Variants in TM4SF18 observed in about 807,000 individuals in gnomAD.
TM4SF18 encodes transmembrane 4 L6 family member 18.
A neutral mutation model predicts 23.8 loss-of-function variants in TM4SF18; 22 were observed. The ratio of observed to expected loss-of-function variants is 0.92; its 90% CI spans 0.66 to 1.32. TM4SF18 has a LOEUF of 1.32. Ranked by LOEUF, TM4SF18 falls within the 40% of genes most tolerant of loss-of-function variation. The pLI, the probability that TM4SF18 is intolerant of heterozygous loss-of-function variation, is 0.00. For synonymous variants in TM4SF18, 87 were observed against 87.9 expected (o/e 0.99, Z 0.06); for missense variants, 255 against 240.3 (o/e 1.06, Z -0.41).
chr3:149,324,690 A>G, intron 4 of TM4SF18, 190 bp downstream of exon 4: 1 of 672,230 alleles, frequency 1.5e-6, no homozygotes, highest in Non-Finnish European at 2.5e-6. Flanking sequence ...AAAAGACTGA[A>G]GAAAAAAATC....
intron 2 of TM4SF18, among the ~76,000 whole-genome samples, chr3:149,332,660 A>G (rs1241530907): frequency 2.0e-5 from 3 of 152,174 alleles, no homozygotes; most frequent in Non-Finnish European, 2.9e-5. Flanking sequence ...TATATATTTT[A>G]TCTTTAAAAG....
chr3:149,322,760 A>G (rs148532830), intron 4 of TM4SF18, among the ~76,000 whole-genome samples: 2 of 152,062 alleles, frequency 1.3e-5, no homozygotes, highest in African/African-American at 4.8e-5. Flanking sequence ...CTAATGCTCC[A>G]GGAAATAGAG....
intron 5 of TM4SF18, 43 bp from the exon 6 acceptor site, chr3:149,321,535 T>C: frequency 7.0e-7 from 1 of 1,433,342 alleles, no homozygotes; most frequent in Non-Finnish European, 9.7e-7. Flanking sequence ...AGTTATAAAC[T>C]TGGCTTGATT....
At chr3:149,329,632 CGAT>C (rs1731046374) in intron 3 of TM4SF18, among the ~76,000 whole-genome samples, 1 of 152,048 alleles carries the variant, frequency 6.6e-6, no homozygotes, top group African/African-American at 2.4e-5. Flanking sequence ...TGTGAATAAA[CGAT>C]GAAGAGGAGG....
At chr3:149,333,452 C>A in intron 1 of TM4SF18, 53 bp from the exon 2 acceptor site, 3 of 1,137,754 alleles carry the variant, frequency 2.6e-6, no homozygotes, top group Non-Finnish European at 3.5e-6. Context: ...TTTCTTCTTC[C>A]TACCTGACCT....
At chr3:149,333,420 A>G in intron 1 of TM4SF18, 21 bp from the exon 2 acceptor site, 5 of 1,504,180 alleles carry the variant, frequency 3.3e-6, no homozygotes, top group Non-Finnish European at 4.5e-6. Context: ...TTTCAAGAGT[A>G]TACAGTCACA....
chr3:149,322,386 A>G lies in TM4SF18; in HGVS notation c.461T>C (p.Val154Ala), dbSNP rs1396262252. The G allele has an allele frequency of 2.7e-5, 44 of 1,614,008 alleles. No homozygotes were observed. The highest frequency in any genetic ancestry group is 3.4e-5 in the Non-Finnish European group (40 of 1,180,008). Residue 154 changes from valine to alanine, a missense_variant, in exon 5 of 6, where the codon GTT (valine) becomes GCT (alanine). By Grantham distance (64) the Val-to-Ala change is moderately conservative. Coordinates refer to ENST00000296059, the MANE Select transcript of TM4SF18 (RefSeq NM_138786.4). Reference protein sequence around the residue: ...IWIQCLEPAHVVEWNIILFSI... With the variant: ...IWIQCLEPAHAVEWNIILFSI... ...AAATAAAATGATGTTCCACTCCACAACATGTGCAGGTTCCAGGCACTGAAT... is the reference window on the plus strand; with the variant it reads ...AAATAAAATGATGTTCCACTCCACAGCATGTGCAGGTTCCAGGCACTGAAT...
At chr3:149,329,842 T>A (rs1197554608) in intron 3 of TM4SF18, 1 of 152,194 alleles carries the variant, frequency 6.6e-6, no homozygotes. Flanking sequence ...AGACAAATAT[T>A]GTATGATTCC....
intron 3 of TM4SF18, among the ~76,000 whole-genome samples, chr3:149,328,826 A>T (rs2108362148): frequency 6.6e-6 from 1 of 152,238 alleles, no homozygotes; most frequent in East Asian, 1.9e-4. Flanking sequence ...TACCTTGAAA[A>T]GGCCAAAAAG....
Position 149,319,202 on chromosome 3 carries a change from T to G in TM4SF18, c.*2276A>C, listed in dbSNP as rs190393016. 1 of 152,264 alleles carries G rather than the reference T, an allele frequency of 6.6e-6. No individual in the cohort carries two copies. Among genetic ancestry groups the G allele is most frequent in the East Asian group, 1.9e-4 (1 of 5,188 alleles). The allele number at this position is 152,264 out of a possible 1,614,324, so 9.4% of individuals were successfully genotyped here. On this transcript the variant is annotated 3_prime_UTR_variant, in exon 6 of 6. Coordinates refer to ENST00000296059, the MANE Select transcript of TM4SF18 (RefSeq NM_138786.4). ...GACAGTCTGAAAGTATATAACAAACTGATGAAGTGGACCTTCCAGAAGTCT... is the reference window on the plus strand; with the variant it reads ...GACAGTCTGAAAGTATATAACAAACGGATGAAGTGGACCTTCCAGAAGTCT...
At position 149,333,522 on chromosome 3, in the gene TM4SF18, G is replaced by A; in HGVS notation, c.-27C>T. On this transcript the variant is annotated 5_prime_UTR_variant, in exon 1 of 6. Transcript: ENST00000296059. ...TTTTGAGATTACCTACCACTTCCAG[G>A]GTCAGAGCCCTTCACTTCATATTCA... The A allele has an allele frequency of 1.8e-6, 1 of 555,870 alleles. No individual in the cohort carries two copies. The highest frequency in any genetic ancestry group is 2.8e-6 in the Non-Finnish European group (1 of 359,374). The allele number at this position is 555,870 out of a possible 1,614,324, so 34.4% of individuals were successfully genotyped here.
chr3:149,328,454 A>T (rs1159296266), intron 3 of TM4SF18, among the ~76,000 whole-genome samples: 1 of 152,228 alleles, frequency 6.6e-6, no homozygotes, highest in African/African-American at 2.4e-5. Flanking sequence ...GGAGGAACAC[A>T]TTCAGGCCAT....
Position 149,319,996 on chromosome 3 carries a change from C to G in TM4SF18, c.*1482G>C, listed in dbSNP as rs1730769694. On this transcript the variant is annotated 3_prime_UTR_variant, in exon 6 of 6. Coordinates refer to ENST00000296059, the MANE Select transcript of TM4SF18 (RefSeq NM_138786.4). ...GAAGGTCATGCGGTGTATAACATGG[C>G]TTGCTTTCAAGATGCTTGTTTCAGC... 6.6e-6 allele frequency: 1 copy of G among 152,290 alleles called. No individual in the cohort carries two copies. Among genetic ancestry groups the G allele is most frequent in the African/African-American group, 2.4e-5 (1 of 41,460 alleles). 9.4% of individuals were successfully genotyped at this position (152,290 alleles called of 1,614,324 possible). A position where few individuals can be genotyped will look rare whatever the true frequency, so the allele number is the denominator to read the frequency against.
chr3:149,328,772 G>A (rs1731013230), intron 3 of TM4SF18, among the ~76,000 whole-genome samples: 2 of 152,056 alleles, frequency 1.3e-5, no homozygotes, highest in Admixed American at 6.6e-5. Flanking sequence ...TGTCACACAC[G>A]TGGCTTCTGG....
At chr3:149,327,387 T>C (rs1730976906) in intron 3 of TM4SF18, among the ~76,000 whole-genome samples, 1 of 151,474 alleles carries the variant, frequency 6.6e-6, no homozygotes, top group Non-Finnish European at 1.5e-5. Flanking sequence ...GGATCCAGCT[T>C]GGAGACAGAT....
intron 2 of TM4SF18, among the ~76,000 whole-genome samples, chr3:149,330,995 C>T (rs1731074595): frequency 6.6e-6 from 1 of 152,180 alleles, no homozygotes; most frequent in African/African-American, 2.4e-5. Flanking sequence ...GTGGGAGAAT[C>T]AATGCATCTT....
At chr3:149,325,075 T>G in intron 3 of TM4SF18, 53 bp from the exon 4 acceptor site, 1 of 1,569,584 alleles carries the variant, frequency 6.4e-7, no homozygotes, top group Non-Finnish European at 8.7e-7. Context: ...CAAGGGGATA[T>G]TGTGGATAAA....
At chr3:149,333,424 A>G (rs1230300267) in intron 1 of TM4SF18, 25 bp from the exon 2 acceptor site, 1 of 1,426,776 alleles carries the variant, frequency 7.0e-7, no homozygotes, top group Non-Finnish European at 9.3e-7. Flanking sequence ...AAGAGTATAC[A>G]GTCACAGAAA....
intron 5 of TM4SF18, among the ~76,000 whole-genome samples, chr3:149,321,830 G>A (rs548962664): frequency 7.9e-5 from 12 of 152,250 alleles, no homozygotes; most frequent in African/African-American, 1.2e-4. Flanking sequence ...CTATGCACTC[G>A]AGATAAAGGT....
Sources: allele counts gnomAD v4.1 joint callset (sites outside exome capture counted in the v4.1 genomes callset), GRCh38; gene constraint gnomAD v4.1.1; transcripts MANE v1.5; gene names NCBI Gene and HGNC (gene_info 2026-07-23, HGNC 2026-07-21).